ABCC2: variants seen among roughly 807,000 people sequenced by gnomAD.
ABCC2 encodes the protein ATP-binding cassette sub-family C member 2.
A neutral mutation model predicts 173.4 loss-of-function variants in ABCC2; 157 were observed. That is an observed-to-expected ratio of 0.91 (90% CI 0.80 to 1.03). ABCC2 has a LOEUF of 1.03. Among genes scored for constraint, ABCC2 ranks in the 50% least tolerant of loss-of-function variants. ABCC2 has a pLI of 0.00. For synonymous variants in ABCC2, 657 were observed against 693.5 expected (o/e 0.95, Z 0.83); for missense variants, 1,822 against 1,852.3 (o/e 0.98, Z 0.30).
chr10:99,847,690 G>C (rs921938820), intron 30 of ABCC2, among the ~76,000 whole-genome samples: 3 of 152,096 alleles, frequency 2.0e-5, no homozygotes, highest in African/African-American at 7.2e-5. Flanking sequence ...GGAGGCTGAG[G>C]CCGGTGGATC....
chr10:99,845,725 A>C lies in ABCC2; in HGVS notation c.4089A>C (p.Val1363=). 1 of 1,613,926 alleles carries C rather than the reference A, an allele frequency of 6.2e-7. No individual in the cohort carries two copies. The part of the protein sequence containing the change: ...AAGGQIIIDG[V]DIASIGLHDL... ...GTGGTCAGATTATCATTGATGGAGT[A>C]GATATTGCTTCCATTGGGCTCCACG... The change falls in exon 29 of 32, where the codon GTA becomes GTC. Residue 1363 remains valine, a synonymous_variant. Transcript: ENST00000647814.
chr10:99,809,769 A>G (rs1422557767), intron 13 of ABCC2, among the ~76,000 whole-genome samples: 1 of 152,192 alleles, frequency 6.6e-6, no homozygotes, highest in Non-Finnish European at 1.5e-5. Context: ...TGGCTTAGTT[A>G]GGATGCTGGG....
chr10:99,850,510 A>G lies in ABCC2; in HGVS notation c.4314-92A>G, dbSNP rs529226421. The G allele has an allele frequency of 1.6e-4, 205 of 1,311,252 alleles. 3 individuals are homozygous for G. The East Asian group carries it at 5.1e-3, about 33-fold the overall frequency. 81.2% of individuals were successfully genotyped at this position (1,311,252 alleles called of 1,614,324 possible). On this transcript the variant is annotated intron_variant, in intron 30 of 31. Transcript: ENST00000647814. Reference sequence around the variant, plus strand: ...GGGAATTTTGGAGGGGGGGTTTTGAAAGTCTGATCTGGAACATGAAAATGG... The same window carrying G: ...GGGAATTTTGGAGGGGGGGTTTTGAGAGTCTGATCTGGAACATGAAAATGG...
At chr10:99,803,094 G>T (rs957430437) in intron 9 of ABCC2, among the ~76,000 whole-genome samples, 5 of 152,064 alleles carry the variant, frequency 3.3e-5, no homozygotes, top group African/African-American at 1.2e-4. Flanking sequence ...TTAGCCTCCC[G>T]AGCAGCTGGG....
chr10:99,804,057 CGT>C lies in ABCC2; in HGVS notation c.1249_1250del (p.Val417TrpfsTer60). 6.2e-7 allele frequency: 1 copy of C among 1,614,062 alleles called. No individual in the cohort carries two copies. The highest frequency in any genetic ancestry group is 1.1e-5 in the South Asian group (1 of 91,070). ...LSNLARKEYT[V>X]GETVNLMSVD... ...CCAACTTGGCCAGGAAGGAGTACAC[CGT>C]TGGAGAAACAGTGAACCTGATGTCT... On this transcript the variant is annotated frameshift_variant, in exon 10 of 32. Coordinates refer to ENST00000647814, the MANE Select transcript of ABCC2 (RefSeq NM_000392.5). LOFTEE classifies it high-confidence loss of function.
At chr10:99,845,477 T>C in intron 28 of ABCC2, 147 bp from the exon 29 acceptor site, 1 of 1,020,928 alleles carries the variant, frequency 9.8e-7, no homozygotes, top group Non-Finnish European at 1.5e-6. Flanking sequence ...ACTTTTTTCC[T>C]CACCAAAACC....
chr10:99,816,990 C>T (rs1230379883), intron 16 of ABCC2, among the ~76,000 whole-genome samples: 1 of 152,154 alleles, frequency 6.6e-6, no homozygotes, highest in Non-Finnish European at 1.5e-5. Flanking sequence ...TTTCGTTGGT[C>T]CTAGTAAACT....
intron 16 of ABCC2, among the ~76,000 whole-genome samples, chr10:99,814,811 A>G (rs1253518785): frequency 2.4e-4 from 35 of 145,878 alleles, no homozygotes; most frequent in Non-Finnish European, 4.2e-4. Flanking sequence ...GTGTGTGTAT[A>G]TATATATTTT....
At chr10:99,808,005 T>C in intron 12 of ABCC2, 78 bp from the exon 13 acceptor site, 2 of 1,548,076 alleles carry the variant, frequency 1.3e-6, no homozygotes. Flanking sequence ...AACTCTGATA[T>C]ATGGTGTTCC....
intron 3 of ABCC2, 35 bp from the exon 4 acceptor site, chr10:99,793,516 G>C: frequency 6.2e-7 from 1 of 1,613,708 alleles, no homozygotes; most frequent in African/African-American, 1.3e-5. Context: ...GTTAGTGGCA[G>C]TATTCTTCAG....
intron 16 of ABCC2, among the ~76,000 whole-genome samples, chr10:99,816,201 C>T (rs182918545): frequency 2.2e-4 from 34 of 152,044 alleles, no homozygotes; most frequent in African/African-American, 6.5e-4. Context: ...CTCCTGACCT[C>T]GTAATCCACC....
chr10:99,808,093 T>G lies in ABCC2; in HGVS notation c.1679T>G (p.Val560Gly). 6.2e-7 allele frequency: 1 copy of G among 1,614,128 alleles called. No homozygotes were observed. The highest frequency in any genetic ancestry group is 8.5e-7 in the Non-Finnish European group (1 of 1,179,986). The part of the protein sequence containing the change: ...FQLTPVLVSV[V>G]TFSVYVLVDS... ...CCTTGCCCTTTCCAGGTATCTGTGG[T>G]CACATTTTCTGTTTATGTCCTGGTG... The change falls in exon 13 of 32, where the codon GTC becomes GGC. Residue 560 changes from valine to glycine, a missense_variant. Physicochemically the swap from Val to Gly is moderately radical, Grantham distance 109. Transcript: ENST00000647814.
At chr10:99,787,001 CAAAAAA>C (rs200187648) in intron 2 of ABCC2, among the ~76,000 whole-genome samples, 1 of 110,526 alleles carries the variant, frequency 9.0e-6, no homozygotes, top group South Asian at 2.8e-4. Context: ...GACTCCGTCT[CAAAAAA>C]AAAAAAAAAA....
At position 99,803,968 on chromosome 10, in the gene ABCC2, C is replaced by T. The variant is rs377465897; in HGVS notation, c.1210-51C>T. On this transcript the variant is annotated intron_variant, in intron 9 of 31. Coordinates refer to ENST00000647814, the MANE Select transcript of ABCC2 (RefSeq NM_000392.5). Reference sequence around the variant, plus strand: ...CTTCCTGAGCTTCCTCTTCTACTCCCTAGTATCCTTGGCTTTGTCCATGGG... The same window carrying T: ...CTTCCTGAGCTTCCTCTTCTACTCCTTAGTATCCTTGGCTTTGTCCATGGG... The T allele has an allele frequency of 8.1e-6, 13 of 1,611,822 alleles. No individual in the cohort carries two copies. In the African/African-American group the frequency reaches 1.3e-4, roughly 17 times the overall value.
Position 99,800,485 on chromosome 10 carries a change from C to G in ABCC2, c.1131C>G (p.Cys377Trp). Residue 377 changes from cysteine to tryptophan, a missense_variant, in exon 9 of 32, where the codon TGC becomes TGG. Physicochemically the swap from Cys to Trp is radical, Grantham distance 215. Coordinates refer to ENST00000647814, the MANE Select transcript of ABCC2 (RefSeq NM_000392.5). ...CTGCGGCTCTCATTCAGTCTTTCTGCCTTCAGTGTTATTTCCAACTGTGCT... is the reference window on the plus strand; with the variant it reads ...CTGCGGCTCTCATTCAGTCTTTCTGGCTTCAGTGTTATTTCCAACTGTGCT... ...LFTAALIQSFCLQCYFQLCFK... is the reference protein window; with the variant it reads ...LFTAALIQSFWLQCYFQLCFK... The G allele has an allele frequency of 1.2e-6, 2 of 1,614,138 alleles. No homozygotes were observed. The highest frequency in any genetic ancestry group is 2.7e-5 in the African/African-American group (2 of 75,024).
intron 25 of ABCC2, 128 bp downstream of exon 25, chr10:99,836,418 T>G: frequency 5.0e-6 from 5 of 994,540 alleles, no homozygotes; most frequent in Admixed American, 2.0e-5. Flanking sequence ...TGTCATGCTA[T>G]GTAAGTGGAG....
chr10:99,805,921 T>A (rs1461976581), intron 11 of ABCC2, among the ~76,000 whole-genome samples: 1 of 152,148 alleles, frequency 6.6e-6, no homozygotes, highest in Non-Finnish European at 1.5e-5. Context: ...ACAAAAAAAA[T>A]TAACATTCTT....
intron 19 of ABCC2, among the ~76,000 whole-genome samples, chr10:99,827,336 C>T (rs1263431096): frequency 2.6e-5 from 4 of 152,026 alleles, no homozygotes; most frequent in Non-Finnish European, 5.9e-5. Flanking sequence ...CTAATTTTAA[C>T]GTTTCAGGAT....
intron 31 of ABCC2, 136 bp from the exon 32 acceptor site, chr10:99,851,366 T>C: frequency 1.1e-6 from 1 of 922,924 alleles, no homozygotes; most frequent in East Asian, 2.4e-5. Flanking sequence ...TTGATGTGTG[T>C]AGCTGTGGCT....
Sources: gnomAD v4.1 joint callset for allele counts (sites outside exome capture counted in the v4.1 genomes callset) on GRCh38, gnomAD v4.1.1 for gene constraint, MANE v1.5 for transcripts, NCBI Gene and HGNC (gene_info 2026-07-23, HGNC 2026-07-21) for gene names.